The following MKI67 variants were observed in gnomAD, a reference collection of about 807,000 sequenced individuals.
MKI67 encodes the protein marker of proliferation Ki-67, also known as proliferation marker protein Ki-67.
MKI67 carries 152 observed loss-of-function variants against 233.5 expected under a neutral mutation model. The observed-to-expected ratio is 0.65, with a 90% CI of 0.57 to 0.74. The LOEUF (loss-of-function observed/expected upper bound fraction) is 0.74. Ranked by LOEUF, MKI67 falls within the 30% of genes least tolerant of loss-of-function variation. The pLI, the probability that MKI67 is intolerant of heterozygous loss-of-function variation, is 0.00. For synonymous variants in MKI67, 1,465 were observed against 1,418.5 expected, an observed-to-expected ratio of 1.03 and a Z score of -0.74; for missense variants, 3,940 against 3,885.2, an observed-to-expected ratio of 1.01 and a Z score of -0.37.
At chr10:128,114,820 T>C (rs1285868152) in intron 7 of MKI67, 108 bp downstream of exon 7, 2 of 1,145,244 alleles carry the variant, frequency 1.7e-6, no homozygotes, top group African/African-American at 1.5e-5. Context: ...CTTATGTGCT[T>C]ACATTCTCTT....
At chr10:128,123,459 C>T (rs945451265) in intron 2 of MKI67, among the ~76,000 whole-genome samples, 3 of 152,144 alleles carry the variant, frequency 2.0e-5, no homozygotes, top group African/African-American at 7.2e-5. Flanking sequence ...TTAAAAGACA[C>T]AAAGGAATAC....
Position 128,115,492 on chromosome 10 carries a change from G to T in MKI67, c.916C>A (p.Pro306Thr), listed in dbSNP as rs769138269. Residue 306 changes from proline (P) to threonine (T), a missense_variant, in exon 7 of 15, where the codon CCT (proline) becomes ACT (threonine). Transcript: ENST00000368654. The part of the protein sequence containing the change: ...SGGSGHAVAE[P>T]ASPEQELDQN... ...TCAAGCTCTTGTTCAGGTGAAGCAG[G>T]CTCTGCCACAGCGTGGCCGCTCCCA... 2 of 1,614,088 alleles carry T rather than the reference G, an allele frequency of 1.2e-6. No homozygotes were observed. Among genetic ancestry groups the T allele is most frequent in the Non-Finnish European group, 1.7e-6 (2 of 1,180,008 alleles).
intron 14 of MKI67, 103 bp from the exon 15 acceptor site, chr10:128,099,358 G>A (rs1257541961): frequency 1.5e-6 from 1 of 647,610 alleles, no homozygotes. Flanking sequence ...GTATTATGCA[G>A]GTCCTTAGTT....
Position 128,104,330 on chromosome 10 carries a change from T to TC in MKI67, c.7509dup (p.Thr2504AspfsTer16). ...TGTGTTTGCGTAGTCTCCCCTGATG[T>TC]CCGTGTGAGCTTGCTGACTGCTAGG... On this transcript the variant is annotated frameshift_variant, in exon 13 of 15. Transcript: ENST00000368654. LOFTEE classifies it high-confidence loss of function. 6.2e-7 allele frequency: 1 copy of TC among 1,614,208 alleles called. No individual in the cohort carries two copies. Among genetic ancestry groups the TC allele is most frequent in the Non-Finnish European group, 8.5e-7 (1 of 1,180,044 alleles).
chr10:128,110,220 A>T (rs1247604396), intron 12 of MKI67, among the ~76,000 whole-genome samples, 158 bp downstream of exon 12: 1 of 152,228 alleles, frequency 6.6e-6, no homozygotes, highest in African/African-American at 2.4e-5. Context: ...TCAACTGCTG[A>T]TTGAAATCTC....
chr10:128,106,241 C>T lies in MKI67; in HGVS notation c.5599G>A (p.Ala1867Thr). 1 of 1,613,986 alleles carries T rather than the reference C, an allele frequency of 6.2e-7. No individual in the cohort carries two copies. The highest frequency in any genetic ancestry group is 8.5e-7 in the Non-Finnish European group (1 of 1,180,028). The change falls in exon 13 of 15, where the codon GCG becomes ACG. Residue 1867 changes from alanine (A) to threonine (T), a missense_variant. Coordinates refer to ENST00000368654, the MANE Select transcript of MKI67 (RefSeq NM_002417.5). ...TGCTTTGTGTTTGTTGGGGTGTCCG[C>T]TGGGTCTGATTGCGGAGATTTGCAG... ...ILCKSPQSDP[A>T]DTPTNTKQRP...
chr10:128,111,770 T>C lies in MKI67; in HGVS notation c.2135A>G (p.Asn712Ser), dbSNP rs771638025. Residue 712 changes from asparagine to serine, a missense_variant, in exon 11 of 15, where the codon AAC becomes AGC. By Grantham distance (46) the Asn-to-Ser change is conservative (BLOSUM62 1). Coordinates refer to ENST00000368654, the MANE Select transcript of MKI67 (RefSeq NM_002417.5). ...VHSQFSTGHA[N>S]SPCTIIIGKA... is the part of the protein sequence containing the mutation. ...CCCTATTATTATGGTACAAGGAGAG[T>C]TTGCGTGGCCTGTACTAAATTGACT... 1.2e-6 allele frequency: 2 copies of C among 1,614,120 alleles called. No individual in the cohort carries two copies. Among genetic ancestry groups the C allele is most frequent in the Admixed American group, 1.7e-5 (1 of 60,010 alleles).
chr10:128,099,277 A>T (rs750229707), intron 14 of MKI67, 22 bp from the exon 15 acceptor site: 9 of 1,597,620 alleles, frequency 5.6e-6, no homozygotes, highest in Non-Finnish European at 6.0e-6. Context: ...GAAAAAAAAT[A>T]GAACTCTTAA....
In MKI67 at chr10:128,112,193, C is replaced by T. The variant is rs371417140; in HGVS notation, c.1909G>A (p.Asp637Asn). 4 of 1,614,140 alleles carry T rather than the reference C, an allele frequency of 2.5e-6. No homozygotes were observed. The highest frequency in any genetic ancestry group is 3.4e-6 in the Non-Finnish European group (4 of 1,180,048). ...TTGGAACATATCATCTGTAAAATAT[C>T]ATGTTGACTTCGGCTGATAGACACT... ...KRVSISRSQH[D>N]ILQMICSKRR... Residue 637 changes from aspartate to asparagine, a missense_variant, in exon 9 of 15, where the codon GAT becomes AAT. Physicochemically the swap from Asp to Asn is conservative, Grantham distance 23. Coordinates refer to ENST00000368654, the MANE Select transcript of MKI67 (RefSeq NM_002417.5).
rs540943649 is a variant in MKI67 at position 128,104,385 on chromosome 10, G to A, written c.7455C>T (p.Pro2485=). Residue 2485 remains proline, a synonymous_variant, in exon 13 of 15, where the codon CCC becomes CCT. Transcript: ENST00000368654. ...SRSSKQRLKI[P]LVKVDMKEEP... is the part of the protein sequence containing the mutation. Reference sequence around the variant, plus strand: ...CTTCTTTCATGTCCACTTTCACCAGGGGTATCTTGAGCCTTTGCTTGGAGC... The same window carrying A: ...CTTCTTTCATGTCCACTTTCACCAGAGGTATCTTGAGCCTTTGCTTGGAGC... 1.9e-6 allele frequency: 3 copies of A among 1,614,134 alleles called. No homozygotes were observed. In the African/African-American group the frequency reaches 4.0e-5, roughly 22 times the overall value.
intron 13 of MKI67, 105 bp downstream of exon 13, chr10:128,102,474 G>A (rs112691591): frequency 7.2e-7 from 1 of 1,391,474 alleles, no homozygotes; most frequent in Non-Finnish European, 9.8e-7. Context: ...AAACCCTCTG[G>A]GGAAAGGATA....
Position 128,115,580 on chromosome 10 carries a change from A to G in MKI67, c.828T>C (p.Ser276=). ...LQTDYATEKE[S]ADGLQGETQL... is the part of the protein sequence containing the mutation. ...GGGTCTCCCCCTGTAAACCATCAGC[A>G]CTTTCTTTCTCTGTTGCGTAATCAG... Residue 276 remains serine, a synonymous_variant, in exon 7 of 15, where the codon AGT becomes AGC. Transcript: ENST00000368654. 1.2e-6 allele frequency: 2 copies of G among 1,614,196 alleles called. No individual in the cohort carries two copies. Among genetic ancestry groups the G allele is most frequent in the Non-Finnish European group, 1.7e-6 (2 of 1,180,038 alleles).
Position 128,106,765 on chromosome 10 carries a change from C to A in MKI67, c.5075G>T (p.Gly1692Val), listed in dbSNP as rs1366664252. 5.0e-6 allele frequency: 8 copies of A among 1,614,024 alleles called. No homozygotes were observed. The highest frequency in any genetic ancestry group is 2.2e-5 in the East Asian group (1 of 44,866). The change falls in exon 13 of 15, where the codon GGC becomes GTC. Residue 1692 changes from glycine to valine, a missense_variant. Gly to Val is a moderately radical substitution (Grantham distance 109). Transcript: ENST00000368654. ...QILDSAASLT[G>V]SKRQLRTPKG... ...AGGAGTTCTCAGCTGCCTCTTGCTG[C>A]CAGTTAGACTTGCTGCTGAGTCTAA...
rs542215723 is a variant in MKI67, at chr10:128,109,017, G to A, written c.2823C>T (p.Asn941=). The A allele has an allele frequency of 3.5e-5, 57 of 1,613,950 alleles. 2 individuals are homozygous for A. In the South Asian group the frequency reaches 4.9e-4, roughly 14 times the overall value. Reference sequence around the variant, plus strand: ...TCTTCATTGCTTTCATCTTTTCATCGTTTTCTTTTAATTCAATATTTTCCT... The same window carrying A: ...TCTTCATTGCTTTCATCTTTTCATCATTTTCTTTTAATTCAATATTTTCCT... ...TYKENIELKE[N]DEKMKAMKRS... Residue 941 remains asparagine (N), a synonymous_variant, in exon 13 of 15, where the codon AAC becomes AAT. Coordinates refer to ENST00000368654, the MANE Select transcript of MKI67 (RefSeq NM_002417.5).
At chr10:128,117,800 G>A (rs974913520) in intron 5 of MKI67, among the ~76,000 whole-genome samples, 1 of 152,088 alleles carries the variant, frequency 6.6e-6, no homozygotes, top group South Asian at 2.1e-4. Flanking sequence ...TCTCACTTTT[G>A]TTGTACGATT....
In MKI67 at chr10:128,108,509, T is replaced by C; in HGVS notation, c.3331A>G (p.Thr1111Ala). ...ATTGATTCCTCAGAGGGACCTGGTGTCTGGAAGAGCTCTTTGAAGCCAGCC... is the reference window on the plus strand; with the variant it reads ...ATTGATTCCTCAGAGGGACCTGGTGCCTGGAAGAGCTCTTTGAAGCCAGCC... ...DLAGFKELFQ[T>A]PGPSEESMTD... Residue 1111 changes from threonine (T) to alanine (A), a missense_variant, in exon 13 of 15, where the codon ACA (threonine) becomes GCA (alanine). Coordinates refer to ENST00000368654, the MANE Select transcript of MKI67 (RefSeq NM_002417.5). 6.2e-7 allele frequency: 1 copy of C among 1,614,098 alleles called. No homozygotes were observed. Among genetic ancestry groups the C allele is most frequent in the South Asian group, 1.1e-5 (1 of 91,078 alleles).
chr10:128,109,149 AT>A lies in MKI67; in HGVS notation c.2690del (p.Asn897IlefsTer9). The A allele has an allele frequency of 6.2e-7, 1 of 1,613,870 alleles. No individual in the cohort carries two copies. Among genetic ancestry groups the A allele is most frequent in the South Asian group, 1.1e-5 (1 of 91,072 alleles). On this transcript the variant is annotated frameshift_variant, in exon 13 of 15. Coordinates refer to ENST00000368654, the MANE Select transcript of MKI67 (RefSeq NM_002417.5). LOFTEE classifies it high-confidence loss of function. Reference sequence around the variant, plus strand: ...TTAGGATGCACTCAACAATTTCTGTATTTGTTTCTTCACTCTTACTTTCCAC... The same window carrying A: ...TTAGGATGCACTCAACAATTTCTGTATTGTTTCTTCACTCTTACTTTCCAC... ...LPVESKSEET[N>X]TEIVECILKR...
At position 128,119,357 on chromosome 10, in the gene MKI67, T is replaced by A. The variant is rs201990152; in HGVS notation, c.288-38A>T. 137 of 1,446,476 alleles carry A rather than the reference T, an allele frequency of 9.5e-5. 1 individual carries two copies. The Admixed American group carries it at 1.8e-3, about 19-fold the overall frequency. The allele number at this position is 1,446,476 out of a possible 1,614,324, so 89.6% of individuals were successfully genotyped here. On this transcript the variant is annotated intron_variant, in intron 4 of 14. Transcript: ENST00000368654. ...GAACGACAAAGATCCTGATTAAAAA[T>A]TTATACCCTGGGGCGGAAGTCTCCA...
chr10:128,118,661 C>T (rs1048774312), intron 5 of MKI67, among the ~76,000 whole-genome samples: 1 of 152,162 alleles, frequency 6.6e-6, no homozygotes, highest in Admixed American at 6.5e-5. Flanking sequence ...CACTGATATA[C>T]TCAAACTATC....
Sources: allele counts gnomAD v4.1 joint callset (sites outside exome capture counted in the v4.1 genomes callset), GRCh38; gene constraint gnomAD v4.1.1; transcripts MANE v1.5; gene names NCBI Gene and HGNC (gene_info 2026-07-23, HGNC 2026-07-21).